HIF1A: variants seen among roughly 807,000 people sequenced by gnomAD.
The protein encoded by HIF1A is hypoxia-inducible factor 1-alpha.
Under a neutral mutation model 92.7 loss-of-function variants are expected in HIF1A, and 24 were observed. The observed-to-expected ratio is 0.26, with a 90% CI of 0.19 to 0.36. The LOEUF is 0.36. Among genes scored for constraint, HIF1A ranks in the 10% least tolerant of loss-of-function variants. HIF1A has a pLI of 1.00. For synonymous variants in HIF1A, 319 were observed against 338.7 expected (o/e 0.94, Z 0.64); for missense variants, 799 against 998.5 (o/e 0.80, Z 2.69).
At chr14:61,705,911 G>C (rs1412113336) in intron 1 of HIF1A, among the ~76,000 whole-genome samples, 1 of 152,120 alleles carries the variant, frequency 6.6e-6, no homozygotes, top group Non-Finnish European at 1.5e-5. Context: ...AATAGAAGAA[G>C]TCTTTAGGGT....
At position 61,738,096 on chromosome 14, in the gene HIF1A, C is replaced by G; in HGVS notation, c.1259C>G (p.Thr420Ser). ...TATTTTTTCCCCACAGACACAGAAA[C>G]TGATGACCAGCAACTTGAGGAAGTA... Reference protein sequence around the residue: ...SLDFGSNDTETDDQQLEEVPL... With the variant: ...SLDFGSNDTESDDQQLEEVPL... Residue 420 changes from threonine to serine, a missense_variant, in exon 10 of 15, where the codon ACT (threonine) becomes AGT (serine). Physicochemically the swap from Thr to Ser is moderately conservative, Grantham distance 58. Coordinates refer to ENST00000337138, the MANE Select transcript of HIF1A (RefSeq NM_001530.4). 6.3e-7 allele frequency: 1 copy of G among 1,597,266 alleles called. No homozygotes were observed.
At chr14:61,742,822 C>G (rs190082493) in intron 12 of HIF1A, among the ~76,000 whole-genome samples, 1 of 128,968 alleles carries the variant, frequency 7.8e-6, no homozygotes, top group East Asian at 2.5e-4. Context: ...GAGGTGGAGG[C>G]TGCAGTGAGC....
At chr14:61,723,308 T>G (rs538138632) in intron 4 of HIF1A, among the ~76,000 whole-genome samples, 3 of 152,336 alleles carry the variant, frequency 2.0e-5, no homozygotes, top group East Asian at 3.9e-4. Flanking sequence ...CCTGTGAAGT[T>G]AACTGTTAGA....
In HIF1A at chr14:61,695,673, G is replaced by A. The variant is rs964694859; in HGVS notation, c.-132G>A. The A allele has an allele frequency of 7.3e-5, 70 of 961,962 alleles. No homozygotes were observed. Among genetic ancestry groups the A allele is most frequent in the Non-Finnish European group, 1.0e-4 (66 of 650,652 alleles). The allele number at this position is 961,962 out of a possible 1,614,324, so 59.6% of individuals were successfully genotyped here. A position where few individuals can be genotyped will look rare whatever the true frequency, so the allele number is the denominator to read the frequency against. On this transcript the variant is annotated 5_prime_UTR_variant, in exon 1 of 15. Transcript: ENST00000337138. ...CCGCTTCTCTCTAGTCTCACGAGGG[G>A]TTTCCCGCCTCGCACCCCCACCTCT... is the stretch of plus-strand genomic sequence containing the variant.
intron 1 of HIF1A, among the ~76,000 whole-genome samples, chr14:61,710,627 G>A (rs2044295493): frequency 6.6e-6 from 1 of 152,008 alleles, no homozygotes; most frequent in South Asian, 2.1e-4. Context: ...AGTAGAGATA[G>A]GGTTTTTAAA....
At chr14:61,735,967 C>T (rs1054618587) in intron 8 of HIF1A, among the ~76,000 whole-genome samples, 1 of 150,648 alleles carries the variant, frequency 6.6e-6, no homozygotes, top group Non-Finnish European at 1.5e-5. Context: ...CTACTCTTCT[C>T]AAAGGATATC....
At position 61,742,907 on chromosome 14, in the gene HIF1A, A is replaced by AAAAAAAAG. The variant is rs71117851; in HGVS notation, c.2093+1719_2093+1720insAAAAAAAG. Among the ~76,000 whole-genome samples, 54 of 105,940 alleles carry AAAAAAAAG rather than the reference A, an allele frequency of 5.1e-4. 10 individuals are homozygous for AAAAAAAAG. The highest frequency in any genetic ancestry group is 1.6e-3 in the South Asian group (5 of 3,218). 69.5% of individuals were successfully genotyped at this position (105,940 alleles called of 152,430 possible). A position where few individuals can be genotyped will look rare whatever the true frequency, so the allele number is the denominator to read the frequency against. ...TTTCAAAAAAAAAAAAAAAAAAAAA[A>AAAAAAAAG]GTTGTTGGACTGACAGATGCATGAA... On this transcript the variant is annotated intron_variant, in intron 12 of 14. Coordinates refer to ENST00000337138, the MANE Select transcript of HIF1A (RefSeq NM_001530.4).
chr14:61,739,138 A>G (rs142220661), intron 10 of HIF1A, among the ~76,000 whole-genome samples: 1 of 152,314 alleles, frequency 6.6e-6, no homozygotes, highest in Non-Finnish European at 1.5e-5. Flanking sequence ...TCTTTGCCCA[A>G]TTTAGTCTAA....
intron 7 of HIF1A, 24 bp from the exon 8 acceptor site, chr14:61,734,114 G>C: frequency 6.8e-7 from 1 of 1,478,532 alleles, no homozygotes; most frequent in Middle Eastern, 1.8e-4. Flanking sequence ...TTCTCTGCAT[G>C]ATTCTTTTTC....
chr14:61,737,800 G>A (rs2140153355), intron 9 of HIF1A, among the ~76,000 whole-genome samples: 1 of 152,328 alleles, frequency 6.6e-6, no homozygotes, highest in South Asian at 2.1e-4. Context: ...GCCGAGGCGG[G>A]TGGATCACTT....
intron 14 of HIF1A, 98 bp from the exon 15 acceptor site, chr14:61,746,836 T>G: frequency 1.0e-6 from 1 of 967,452 alleles, no homozygotes; most frequent in Non-Finnish European, 1.5e-6. Flanking sequence ...CTTCCAGAAT[T>G]TTGCTTTATT....
intron 14 of HIF1A, among the ~76,000 whole-genome samples, chr14:61,746,640 C>A (rs2044795930): frequency 6.6e-6 from 1 of 152,118 alleles, no homozygotes; most frequent in Admixed American, 6.5e-5. Context: ...AGTGATCCTC[C>A]TGCCTCAGCC....
chr14:61,722,782 G>T (rs1200188004), intron 4 of HIF1A, among the ~76,000 whole-genome samples: 1 of 152,214 alleles, frequency 6.6e-6, no homozygotes, highest in Non-Finnish European at 1.5e-5. Context: ...AACAAAAATA[G>T]AGAGTAAGAC....
chr14:61,721,295 A>G (rs949797072), intron 2 of HIF1A, among the ~76,000 whole-genome samples: 10 of 152,124 alleles, frequency 6.6e-5, no homozygotes, highest in African/African-American at 1.7e-4. Flanking sequence ...TTCTTCTTCT[A>G]TGGTTTGCTT....
intron 1 of HIF1A, among the ~76,000 whole-genome samples, chr14:61,719,276 G>T (rs760351167): frequency 2.0e-5 from 3 of 152,190 alleles, no homozygotes; most frequent in Non-Finnish European, 4.4e-5. Context: ...ACAGGAGTGA[G>T]TTGAGGGGCA....
At chr14:61,734,881 G>GC (rs763941452) in intron 8 of HIF1A, among the ~76,000 whole-genome samples, 1 of 152,186 alleles carries the variant, frequency 6.6e-6, no homozygotes, top group Non-Finnish European at 1.5e-5. Context: ...TGCACGTTGT[G>GC]CACATGCACC....
intron 14 of HIF1A, 72 bp downstream of exon 14, chr14:61,745,889 A>T (rs2044777025): frequency 7.5e-7 from 1 of 1,325,228 alleles, no homozygotes; most frequent in African/African-American, 1.5e-5. Flanking sequence ...TAGGAGCTTT[A>T]ATCTAAGTGA....
intron 14 of HIF1A, 52 bp from the exon 15 acceptor site, chr14:61,746,882 A>G: frequency 7.2e-7 from 1 of 1,396,056 alleles, no homozygotes; most frequent in Non-Finnish European, 9.8e-7. Flanking sequence ...GTGTTTAATA[A>G]ATATTCATTG....
At chr14:61,719,741 T>A (rs2044404079) in intron 1 of HIF1A, among the ~76,000 whole-genome samples, 1 of 152,218 alleles carries the variant, frequency 6.6e-6, no homozygotes, top group Admixed American at 6.5e-5. Flanking sequence ...TTCTTCCATA[T>A]TCCTGCATTT....
Sources: gnomAD v4.1 joint callset for allele counts (sites outside exome capture counted in the v4.1 genomes callset) on GRCh38, gnomAD v4.1.1 for gene constraint, MANE v1.5 for transcripts, NCBI Gene and HGNC (gene_info 2026-07-23, HGNC 2026-07-21) for gene names.